The following EPB41L3 variants were observed in gnomAD, a reference collection of about 807,000 sequenced individuals.
The protein encoded by EPB41L3 is erythrocyte membrane protein band 4.1 like 3.
EPB41L3 carries 57 observed loss-of-function variants against 127.1 expected under a neutral mutation model. The observed-to-expected ratio is 0.45, with a 90% CI of 0.36 to 0.56. The LOEUF is 0.56. Ranked by LOEUF, EPB41L3 falls within the 20% of genes least tolerant of loss-of-function variation. The pLI, the probability that EPB41L3 is intolerant of heterozygous loss-of-function variation, is 0.00. For missense variants in EPB41L3, 1,273 were observed against 1,372.2 expected, an observed-to-expected ratio of 0.93 and a Z score of 1.14; for synonymous variants, 572 against 549.5, an observed-to-expected ratio of 1.04 and a Z score of -0.57.
At chr18:5,424,890 T>C (rs1481708510) in intron 9 of EPB41L3, among the ~76,000 whole-genome samples, 1 of 152,196 alleles carries the variant, frequency 6.6e-6, no homozygotes, top group East Asian at 1.9e-4. Flanking sequence ...TGTTCCGCTA[T>C]GGATTATCGT....
chr18:5,616,096 C>T (rs2094791630), intron 1 of EPB41L3, among the ~76,000 whole-genome samples: 1 of 152,114 alleles, frequency 6.6e-6, no homozygotes, highest in Admixed American at 6.6e-5. Context: ...ATTATAGTTG[C>T]CTTCCACAAA....
At chr18:5,427,882 A>G (rs1421883146) in intron 9 of EPB41L3, among the ~76,000 whole-genome samples, 1 of 151,870 alleles carries the variant, frequency 6.6e-6, no homozygotes, top group African/African-American at 2.4e-5. Context: ...AGTAGCTGGG[A>G]ATATAGGCAC....
chr18:5,575,422 G>A (rs2094327274), intron 3 of EPB41L3, among the ~76,000 whole-genome samples: 1 of 152,186 alleles, frequency 6.6e-6, no homozygotes, highest in Non-Finnish European at 1.5e-5. Context: ...AGATCTGATT[G>A]TTAAAAACAG....
In EPB41L3 at chr18:5,393,094, T is replaced by A. The variant is rs1178569343; in HGVS notation, c.*391A>T. ...GTAAATATAAGGTTACCTAAGAAAT[T>A]GCAATTTTGTTTAGACTTTAATAAT... On this transcript the variant is annotated 3_prime_UTR_variant, in exon 23 of 23. Coordinates refer to ENST00000341928, the MANE Select transcript of EPB41L3 (RefSeq NM_012307.5). The A allele has an allele frequency of 5.5e-6, 1 of 183,166 alleles. No individual in the cohort carries two copies. The highest frequency in any genetic ancestry group is 1.1e-5 in the Non-Finnish European group (1 of 88,702). 11.3% of individuals were successfully genotyped at this position (183,166 alleles called of 1,614,324 possible).
At chr18:5,442,025 C>G (rs1398424142) in intron 5 of EPB41L3, among the ~76,000 whole-genome samples, 2 of 152,114 alleles carry the variant, frequency 1.3e-5, no homozygotes, top group African/African-American at 2.4e-5. Context: ...CCTTTCCTGT[C>G]ATGGTATTAT....
At chr18:5,525,587 AATG>A (rs2093190648) in intron 1 of EPB41L3, among the ~76,000 whole-genome samples, 1 of 152,206 alleles carries the variant, frequency 6.6e-6, no homozygotes, top group African/African-American at 2.4e-5. Context: ...ATAAATTTAT[AATG>A]ATAACACTGC....
intron 9 of EPB41L3, 110 bp downstream of exon 9, chr18:5,428,203 T>C: frequency 7.9e-7 from 1 of 1,260,428 alleles, no homozygotes. Context: ...CACTTAGATG[T>C]CATTCACTGT....
At chr18:5,513,510 T>G (rs1053679423) in intron 1 of EPB41L3, among the ~76,000 whole-genome samples, 3 of 152,160 alleles carry the variant, frequency 2.0e-5, no homozygotes, top group African/African-American at 7.2e-5. Flanking sequence ...GTGCACACTG[T>G]CCATTGGTCT....
At chr18:5,462,805 A>G (rs1245988388) in intron 3 of EPB41L3, among the ~76,000 whole-genome samples, 1 of 152,224 alleles carries the variant, frequency 6.6e-6, no homozygotes, top group Non-Finnish European at 1.5e-5. Flanking sequence ...CACAAAGTCT[A>G]CCAAATTGAC....
At chr18:5,479,334 A>C (rs1426295798) in intron 2 of EPB41L3, among the ~76,000 whole-genome samples, 1 of 152,222 alleles carries the variant, frequency 6.6e-6, no homozygotes, top group African/African-American at 2.4e-5. Context: ...GAAGACATGC[A>C]CCAGAATTCT....
chr18:5,555,740 G>A (rs970774718), intron 3 of EPB41L3, among the ~76,000 whole-genome samples: 3 of 152,170 alleles, frequency 2.0e-5, no homozygotes, highest in Non-Finnish European at 4.4e-5. Flanking sequence ...CCCGGGACAT[G>A]AGTGAGCACT....
At chr18:5,538,782 C>T (rs115333509) in intron 1 of EPB41L3, among the ~76,000 whole-genome samples, 4,928 of 152,188 alleles carry the variant, frequency 0.032, 185 homozygotes, top group African/African-American at 0.083. Context: ...GCAGTTCTTC[C>T]CTCAAAGAAA....
chr18:5,524,018 T>C (rs1202137306), intron 1 of EPB41L3, among the ~76,000 whole-genome samples: 4 of 152,190 alleles, frequency 2.6e-5, no homozygotes, highest in Non-Finnish European at 5.9e-5. Flanking sequence ...TATGTGTGTG[T>C]TAGGGGTGCC....
chr18:5,581,666 A>G (rs2094394882), intron 3 of EPB41L3, among the ~76,000 whole-genome samples: 1 of 152,146 alleles, frequency 6.6e-6, no homozygotes, highest in South Asian at 2.1e-4. Context: ...ATTCCATCAA[A>G]CATAGTTTAG....
In EPB41L3 at chr18:5,415,923, G is replaced by A. The variant is rs891131005; in HGVS notation, c.1962C>T (p.Leu654=). The A allele has an allele frequency of 2.5e-6, 4 of 1,614,092 alleles. No individual in the cohort carries two copies. Among genetic ancestry groups the A allele is most frequent in the Non-Finnish European group, 3.4e-6 (4 of 1,180,030 alleles). The stretch of plus-strand genomic sequence containing the variant: ...ACAGAGCCAGAGGGAAGGAGAGAGT[G>A]AGAGCGTATGGCACTGAGAAGGAGG... ...LSASFSVPYA[L]TLSFPLALCL... The change falls in exon 13 of 23, where the codon CTC becomes CTT. Residue 654 remains leucine (L), a synonymous_variant. Coordinates refer to ENST00000341928, the MANE Select transcript of EPB41L3 (RefSeq NM_012307.5).
intron 3 of EPB41L3, chr18:5,466,369 C>T (rs948405449): frequency 2.0e-5 from 3 of 152,202 alleles, no homozygotes; most frequent in African/African-American, 7.2e-5. Context: ...AAACTAATTA[C>T]TGCCAGTGTA....
chr18:5,571,941 A>G (rs1051843363), intron 3 of EPB41L3, among the ~76,000 whole-genome samples: 1 of 152,188 alleles, frequency 6.6e-6, no homozygotes, highest in Non-Finnish European at 1.5e-5. Flanking sequence ...GTTCCTCACA[A>G]TTTCCTGCAT....
At chr18:5,575,326 G>T (rs1425399824) in intron 3 of EPB41L3, among the ~76,000 whole-genome samples, 1 of 152,120 alleles carries the variant, frequency 6.6e-6, no homozygotes, top group Non-Finnish European at 1.5e-5. Flanking sequence ...CTAGTGGGAG[G>T]TGTTGGGGTC....
At chr18:5,572,958 G>C (rs768270910) in intron 3 of EPB41L3, among the ~76,000 whole-genome samples, 4 of 152,144 alleles carry the variant, frequency 2.6e-5, no homozygotes, top group East Asian at 3.9e-4. Flanking sequence ...CTGGTATTTA[G>C]AGAGATGTTG....
Sources: allele counts gnomAD v4.1 joint callset (sites outside exome capture counted in the v4.1 genomes callset), GRCh38; gene constraint gnomAD v4.1.1; transcripts MANE v1.5; gene names NCBI Gene and HGNC (gene_info 2026-07-23, HGNC 2026-07-21).